The following PLD5 variants were observed in gnomAD, a reference collection of about 807,000 sequenced individuals.
PLD5 encodes the protein phospholipase D family member 5.
In PLD5, 36 loss-of-function variants were observed where a neutral mutation model predicts 61.1. The ratio of observed to expected loss-of-function variants is 0.59; its 90% CI spans 0.45 to 0.78. The LOEUF is 0.78. Among genes scored for constraint, PLD5 ranks in the 30% least tolerant of loss-of-function variants. The pLI is 0.00. For missense variants in PLD5, 515 were observed against 644.4 expected (o/e 0.80, Z 2.17); for synonymous variants, 243 against 242.8 (o/e 1.00, Z -0.01).
chr1:242,414,801 G>A (rs1433605518), intron 1 of PLD5, among the ~76,000 whole-genome samples: 1 of 152,100 alleles, frequency 6.6e-6, no homozygotes, highest in Non-Finnish European at 1.5e-5. Context: ...AGACTAAAAA[G>A]CTATTGTTGG....
chr1:242,448,855 G>A (rs1306358749), intron 1 of PLD5, among the ~76,000 whole-genome samples: 1 of 152,114 alleles, frequency 6.6e-6, no homozygotes, highest in Non-Finnish European at 1.5e-5. Context: ...AAAAAATCAC[G>A]TGGAAGTTTG....
intron 1 of PLD5, among the ~76,000 whole-genome samples, chr1:242,507,621 T>G (rs370443115): frequency 3.3e-5 from 5 of 152,244 alleles, no homozygotes; most frequent in African/African-American, 1.2e-4. Flanking sequence ...ACTGGACAGC[T>G]AATCTTGAAA....
At position 242,215,225 on chromosome 1, in the gene PLD5, C is replaced by CA. The variant is rs1456626240; in HGVS notation, c.735+4762_735+4763insT. Among the ~76,000 whole-genome samples the CA allele has an allele frequency of 1.5e-3, 227 of 151,578 alleles. 9 individuals are homozygous for CA. The highest frequency in any genetic ancestry group is 0.014 in the Admixed American group (213 of 14,902). ...TTTAACTTTTGCATTTATATGATGG[C>CA]CCACAAAAATTAAAACTGATAATGG... On this transcript the variant is annotated intron_variant, in intron 5 of 9. Transcript: ENST00000536534.
intron 8 of PLD5, among the ~76,000 whole-genome samples, chr1:242,106,349 G>A (rs558937287): frequency 1.2e-4 from 19 of 152,334 alleles, no homozygotes; most frequent in Middle Eastern, 3.4e-3. Context: ...TGCAGTGACT[G>A]CATGAAACTT....
chr1:242,346,274 G>GA (rs893410162), intron 2 of PLD5, among the ~76,000 whole-genome samples: 27 of 149,192 alleles, frequency 1.8e-4, no homozygotes, highest in Non-Finnish European at 3.6e-4. Context: ...TCCTCCAAGT[G>GA]AAAAAAAAAT....
intron 4 of PLD5, among the ~76,000 whole-genome samples, chr1:242,227,241 G>T (rs1430989824): frequency 6.6e-6 from 1 of 151,896 alleles, no homozygotes; most frequent in Admixed American, 6.6e-5. Flanking sequence ...TTTAAGAGAT[G>T]GTCTCCCTAT....
At chr1:242,278,104 T>G (rs1314394946) in intron 3 of PLD5, among the ~76,000 whole-genome samples, 4 of 152,214 alleles carry the variant, frequency 2.6e-5, no homozygotes, top group Admixed American at 6.5e-5. Flanking sequence ...TTTGGAGGAT[T>G]TGGTTTCTCT....
rs557995975 is a variant in PLD5 at position 242,424,646 on chromosome 1, G to T, written c.190-76404C>A. 4.1e-3 allele frequency among the ~76,000 whole-genome samples: 617 copies of T among 152,066 alleles called. 4 individuals are homozygous for T. Among genetic ancestry groups the T allele is most frequent in the Non-Finnish European group, 6.0e-3 (409 of 68,002 alleles). On this transcript the variant is annotated intron_variant, in intron 1 of 9. Coordinates refer to ENST00000536534, the MANE Select transcript of PLD5 (RefSeq NM_001372062.1). Reference sequence around the variant, plus strand: ...ACCTGAGAAGTATCTCCCAAATTGGGTTTCCTCTCTGGGGTCCACTGTCAT... The same window carrying T: ...ACCTGAGAAGTATCTCCCAAATTGGTTTTCCTCTCTGGGGTCCACTGTCAT...
Position 242,083,985 on chromosome 1 carries a change from TA to T in PLD5, c.*5868del, listed in dbSNP as rs1468748498. On this transcript the variant is annotated 3_prime_UTR_variant, in exon 10 of 10. Coordinates refer to ENST00000536534, the MANE Select transcript of PLD5 (RefSeq NM_001372062.1). ...CGCCCATGGGGAATAGGAGAGTCCA[TA>T]AGGGAATTAATAATTTTTTAATGTC... is the stretch of plus-strand genomic sequence containing the variant. The T allele has an allele frequency of 6.6e-6, 1 of 152,132 alleles. No homozygotes were observed. Among genetic ancestry groups the T allele is most frequent in the African/African-American group, 2.4e-5 (1 of 41,432 alleles). The allele number at this position is 152,132 out of a possible 1,614,324, so 9.4% of individuals were successfully genotyped here. A position where few individuals can be genotyped will look rare whatever the true frequency, so the allele number is the denominator to read the frequency against.
At chr1:242,520,900 G>A (rs1669258767) in intron 1 of PLD5, among the ~76,000 whole-genome samples, 1 of 152,086 alleles carries the variant, frequency 6.6e-6, no homozygotes, top group South Asian at 2.1e-4. Flanking sequence ...TTTTACATTA[G>A]ACCTAAAGTA....
At chr1:242,322,674 TGATA>T (rs747877241) in intron 2 of PLD5, among the ~76,000 whole-genome samples, 11 of 152,316 alleles carry the variant, frequency 7.2e-5, no homozygotes, top group Non-Finnish European at 2.9e-5. Context: ...TCACAAGATC[TGATA>T]GTTTAAAAGT....
chr1:242,405,230 T>G (rs1664169357), intron 1 of PLD5, among the ~76,000 whole-genome samples: 1 of 152,158 alleles, frequency 6.6e-6, no homozygotes. Context: ...CCTCCATGCT[T>G]TCCCGTGGTT....
rs139273492 is a variant in PLD5 at position 242,430,494 on chromosome 1, G to T, written c.190-82252C>A. On this transcript the variant is annotated intron_variant, in intron 1 of 9. Coordinates refer to ENST00000536534, the MANE Select transcript of PLD5 (RefSeq NM_001372062.1). ...ACACCTCCAAAGAGCATCACACCAA[G>T]CTTAGGGTTTCAGTATATATATTCT... is the stretch of plus-strand genomic sequence containing the variant. 7.2e-3 allele frequency among the ~76,000 whole-genome samples: 1,088 copies of T among 152,158 alleles called. 13 individuals are homozygous for T. Among genetic ancestry groups the T allele is most frequent in the African/African-American group, 0.025 (1,047 of 41,500 alleles).
At chr1:242,507,995 T>G (rs63264360) in intron 1 of PLD5, among the ~76,000 whole-genome samples, 1 of 17,896 alleles carries the variant, frequency 5.6e-5, no homozygotes, top group African/African-American at 2.2e-3. Flanking sequence ...TTTTAATCTG[T>G]TTTTTTTTTT....
At chr1:242,173,083 G>A (rs377587462) in intron 5 of PLD5, among the ~76,000 whole-genome samples, 7 of 152,170 alleles carry the variant, frequency 4.6e-5, no homozygotes, top group Non-Finnish European at 5.9e-5. Context: ...GAAATAAAGG[G>A]TATTCAATTA....
chr1:242,218,439 A>G (rs1278059699), intron 5 of PLD5, among the ~76,000 whole-genome samples: 2 of 152,212 alleles, frequency 1.3e-5, no homozygotes, highest in South Asian at 2.1e-4. Context: ...CTGTATGTCT[A>G]TAGAAGCAAA....
intron 1 of PLD5, among the ~76,000 whole-genome samples, chr1:242,396,668 C>CTTTCTTTTTT (rs1479365427): frequency 2.1e-4 from 26 of 125,116 alleles, no homozygotes; most frequent in African/African-American, 5.1e-4. Flanking sequence ...TCTTTCTTTT[C>CTTTCTTTTTT]TTTTCTTTTT....
chr1:242,506,226 G>A (rs932515048), intron 1 of PLD5, among the ~76,000 whole-genome samples: 1 of 152,146 alleles, frequency 6.6e-6, no homozygotes, highest in Admixed American at 6.5e-5. Flanking sequence ...GAAAATAAGA[G>A]GGAAGGTATA....
intron 2 of PLD5, among the ~76,000 whole-genome samples, chr1:242,313,350 A>G (rs1164125354): frequency 6.6e-6 from 1 of 152,202 alleles, no homozygotes; most frequent in East Asian, 1.9e-4. Context: ...CATAAAGGGT[A>G]TATGTTACTT....
Sources: gnomAD v4.1 joint callset for allele counts (sites outside exome capture counted in the v4.1 genomes callset) on GRCh38, gnomAD v4.1.1 for gene constraint, MANE v1.5 for transcripts, NCBI Gene and HGNC (gene_info 2026-07-23, HGNC 2026-07-21) for gene names.